POU2AF1: variants seen among roughly 807,000 people sequenced by gnomAD.
POU2AF1 encodes POU class 2 homeobox associating factor 1.
POU2AF1 carries 12 observed loss-of-function variants against 26.3 expected under a neutral mutation model. The ratio of observed to expected loss-of-function variants is 0.46; its 90% CI spans 0.29 to 0.74. The LOEUF is 0.74. Among genes scored for constraint, POU2AF1 ranks in the 30% least tolerant of loss-of-function variants. The probability of loss-of-function intolerance (pLI) is 0.09; values close to 1 mark genes in which losing one functional copy is unlikely to be tolerated. For synonymous variants in POU2AF1, 175 were observed against 148.0 expected, an observed-to-expected ratio of 1.18 and a Z score of -1.32; for missense variants, 297 against 334.5, an observed-to-expected ratio of 0.89 and a Z score of 0.87.
intron 1 of POU2AF1, 126 bp downstream of exon 1, chr11:111,379,022 CTCCGGGGCTTGGAA>C: frequency 1.8e-6 from 1 of 552,058 alleles, no homozygotes; most frequent in Non-Finnish European, 3.2e-6. Context: ...CCCCTCCCTG[CTCCGGGGCTTGGAA>C]CCCAGACCCC....
intron 2 of POU2AF1, among the ~76,000 whole-genome samples, chr11:111,358,342 ACT>A (rs879538121): frequency 0.051 from 4,103 of 79,720 alleles, 93 homozygotes; most frequent in Non-Finnish European, 0.083. Flanking sequence ...ACACTCTCAC[ACT>A]CTCACACTCA....
intron 2 of POU2AF1, 81 bp downstream of exon 2, chr11:111,358,707 C>G (rs1860939461): frequency 3.0e-5 from 45 of 1,483,422 alleles, no homozygotes; most frequent in Non-Finnish European, 3.9e-5. Flanking sequence ...CTCACACACA[C>G]ATACACTCTC....
Position 111,358,830 on chromosome 11 carries a change from C to T in POU2AF1, c.105G>A (p.Lys35=). 6.2e-7 allele frequency: 1 copy of T among 1,608,328 alleles called. No homozygotes were observed. Among genetic ancestry groups the T allele is most frequent in the Admixed American group, 1.7e-5 (1 of 59,950 alleles). Residue 35 remains lysine, a synonymous_variant, in exon 2 of 5, where the codon AAG becomes AAA. Coordinates refer to ENST00000393067, the MANE Select transcript of POU2AF1 (RefSeq NM_006235.3). ...KEPVKELLRR[K]RGHASSGAAP... ...CTGCCCCACTGCTGGCGTGGCCTCG[C>T]TTCCTCCTCAGCAGTTCCTTCACTG... is the stretch of plus-strand genomic sequence containing the variant.
rs1860793418 is a variant in POU2AF1, at chr11:111,354,172, T to C, written c.*89A>G. ...GTAGAAAGTGTAGTCATGAAATGAC[T>C]ACTCCAAACAAGCATGAACCTGGGG... On this transcript the variant is annotated 3_prime_UTR_variant, in exon 5 of 5. Coordinates refer to ENST00000393067, the MANE Select transcript of POU2AF1 (RefSeq NM_006235.3). 1 of 1,407,814 alleles carries C rather than the reference T, an allele frequency of 7.1e-7. No individual in the cohort carries two copies. The allele number at this position is 1,407,814 out of a possible 1,614,324, so 87.2% of individuals were successfully genotyped here.
At chr11:111,376,881 C>T (rs1370859168) in intron 1 of POU2AF1, among the ~76,000 whole-genome samples, 1 of 152,160 alleles carries the variant, frequency 6.6e-6, no homozygotes, top group African/African-American at 2.4e-5. Context: ...GGGGTGGGTC[C>T]AGAGCCCAGG....
intron 1 of POU2AF1, among the ~76,000 whole-genome samples, chr11:111,366,933 A>G (rs1565364845): frequency 6.6e-6 from 1 of 152,050 alleles, no homozygotes; most frequent in Non-Finnish European, 1.5e-5. Context: ...TGAAGTCAAG[A>G]TCCCACTGAC....
intron 1 of POU2AF1, among the ~76,000 whole-genome samples, chr11:111,375,390 CTTTTTTT>C (rs869115956): frequency 2.5e-5 from 2 of 79,488 alleles, no homozygotes; most frequent in Non-Finnish European, 4.3e-5. Context: ...TACTGAGTAT[CTTTTTTT>C]TTTTTTTTTT....
At chr11:111,373,192 T>C (rs1861245262) in intron 1 of POU2AF1, among the ~76,000 whole-genome samples, 1 of 152,242 alleles carries the variant, frequency 6.6e-6, no homozygotes, top group South Asian at 2.1e-4. Flanking sequence ...GAACATTTTG[T>C]ATACTGCATA....
At chr11:111,358,609 CACTG>C (rs557945664) in intron 2 of POU2AF1, among the ~76,000 whole-genome samples, 175 bp downstream of exon 2, 2,208 of 148,722 alleles carry the variant, frequency 0.015, 22 homozygotes, top group Non-Finnish European at 0.022. Flanking sequence ...CACTCTCACA[CACTG>C]ACGCAGATAC....
rs886711651 is a variant in POU2AF1 at position 111,379,269 on chromosome 11, A to T, written c.-92T>A. On this transcript the variant is annotated 5_prime_UTR_variant, in exon 1 of 5. Coordinates refer to ENST00000393067, the MANE Select transcript of POU2AF1 (RefSeq NM_006235.3). ...GGGTGTGTTTTCCTCCAGTGGAGCCACCGCTTGAGCTGAGGCTGTTTCCTG... is the reference window on the plus strand; with the variant it reads ...GGGTGTGTTTTCCTCCAGTGGAGCCTCCGCTTGAGCTGAGGCTGTTTCCTG... 2 of 1,524,432 alleles carry T rather than the reference A, an allele frequency of 1.3e-6. No individual in the cohort carries two copies. Among genetic ancestry groups the T allele is most frequent in the African/African-American group, 2.7e-5 (2 of 72,928 alleles). The allele number at this position is 1,524,432 out of a possible 1,614,324, so 94.4% of individuals were successfully genotyped here.
chr11:111,370,401 A>G (rs1419857906), intron 1 of POU2AF1, among the ~76,000 whole-genome samples: 1 of 152,206 alleles, frequency 6.6e-6, no homozygotes, highest in Non-Finnish European at 1.5e-5. Context: ...GATGAAGACC[A>G]ATGCAATATG....
chr11:111,356,551 T>C (rs1860849800), intron 4 of POU2AF1, among the ~76,000 whole-genome samples: 1 of 152,228 alleles, frequency 6.6e-6, no homozygotes, highest in Non-Finnish European at 1.5e-5. Flanking sequence ...TGGAGCTGGA[T>C]ACAGCTGTAA....
intron 4 of POU2AF1, among the ~76,000 whole-genome samples, chr11:111,355,118 C>G (rs1195184026): frequency 6.6e-6 from 1 of 152,190 alleles, no homozygotes; most frequent in Non-Finnish European, 1.5e-5. Flanking sequence ...CCTCCCACCC[C>G]TCTAGTGGTG....
intron 1 of POU2AF1, among the ~76,000 whole-genome samples, chr11:111,367,318 C>T (rs1191144647): frequency 6.6e-6 from 1 of 152,172 alleles, no homozygotes; most frequent in African/African-American, 2.4e-5. Context: ...ACATTCTTAA[C>T]TCTTGGGAGC....
intron 1 of POU2AF1, among the ~76,000 whole-genome samples, chr11:111,370,899 T>C (rs1861197307): frequency 6.6e-6 from 1 of 152,210 alleles, no homozygotes; most frequent in Non-Finnish European, 1.5e-5. Context: ...TTTCATTGGT[T>C]GGTTTCTCTA....
chr11:111,366,247 A>G (rs1308982361), intron 1 of POU2AF1, among the ~76,000 whole-genome samples: 1 of 152,248 alleles, frequency 6.6e-6, no homozygotes. Flanking sequence ...ATTCACTAAC[A>G]TTTGAACTGA....
At position 111,352,963 on chromosome 11, in the gene POU2AF1, G is replaced by GAGGAAGGAAGGA. The variant is rs1187817196; in HGVS notation, c.*1286_*1297dup. On this transcript the variant is annotated 3_prime_UTR_variant, in exon 5 of 5. Coordinates refer to ENST00000393067, the MANE Select transcript of POU2AF1 (RefSeq NM_006235.3). ...AAACCAAAAAAAAGAAAGAAAGAGA[G>GAGGAAGGAAGGA]AGGAAGGAAGGAAGGAAGGAAGGAA... 5.5e-4 allele frequency: 76 copies of GAGGAAGGAAGGA among 137,884 alleles called. No homozygotes were observed. Among genetic ancestry groups the GAGGAAGGAAGGA allele is most frequent in the Non-Finnish European group, 7.2e-4 (49 of 68,170 alleles). 8.5% of individuals were successfully genotyped at this position (137,884 alleles called of 1,614,324 possible).
intron 1 of POU2AF1, among the ~76,000 whole-genome samples, chr11:111,366,234 T>A (rs909357593): frequency 2.6e-5 from 4 of 152,232 alleles, no homozygotes; most frequent in African/African-American, 9.6e-5. Context: ...ACGCAGACTT[T>A]CCATTCACTA....
In POU2AF1 at chr11:111,352,831, G is replaced by C. The variant is rs1009613250; in HGVS notation, c.*1430C>G. On this transcript the variant is annotated 3_prime_UTR_variant, in exon 5 of 5. Coordinates refer to ENST00000393067, the MANE Select transcript of POU2AF1 (RefSeq NM_006235.3). ...CACCTGTAATCCCAGCTACTCGGGAGGCTCAGGCAGGAGAATCACTTGAAC... is the reference window on the plus strand; with the variant it reads ...CACCTGTAATCCCAGCTACTCGGGACGCTCAGGCAGGAGAATCACTTGAAC... The C allele has an allele frequency of 1.2e-5, 2 of 171,908 alleles. No homozygotes were observed. The highest frequency in any genetic ancestry group is 4.0e-4 in the South Asian group (2 of 4,972). The allele number at this position is 171,908 out of a possible 1,614,324, so 10.6% of individuals were successfully genotyped here. A position where few individuals can be genotyped will look rare whatever the true frequency, so the allele number is the denominator to read the frequency against.
Sources: allele counts gnomAD v4.1 joint callset (sites outside exome capture counted in the v4.1 genomes callset), GRCh38; gene constraint gnomAD v4.1.1; transcripts MANE v1.5; gene names NCBI Gene and HGNC (gene_info 2026-07-23, HGNC 2026-07-21).